The following NAA40 variants were observed in gnomAD, a reference collection of about 807,000 sequenced individuals.
NAA40 encodes N-alpha-acetyltransferase 40.
NAA40 carries 26 observed loss-of-function variants against 36.6 expected under a neutral mutation model. The ratio of observed to expected loss-of-function variants is 0.71; its 90% confidence interval spans 0.52 to 0.98. The LOEUF is 0.98. Ranked by LOEUF, NAA40 falls within the 50% of genes least tolerant of loss-of-function variation. The pLI is 0.00. For missense variants in NAA40, 237 were observed against 306.5 expected (o/e 0.77, Z 1.69); for synonymous variants, 129 against 108.4 (o/e 1.19, Z -1.18).
intron 3 of NAA40, among the ~76,000 whole-genome samples, chr11:63,949,500 GC>G (rs1398189340): frequency 2.6e-5 from 4 of 151,886 alleles, no homozygotes; most frequent in Non-Finnish European, 5.9e-5. Context: ...TGGAGTGAAG[GC>G]CCCCTCACGT....
rs12273949 is a variant in NAA40, at chr11:63,952,053, T to G, written c.156-185T>G. The G allele has an allele frequency of 7.0e-3, 3,899 of 557,326 alleles. 116 individuals carry two copies. Among genetic ancestry groups the G allele is most frequent in the African/African-American group, 0.067 (3,570 of 53,572 alleles). 34.5% of individuals were successfully genotyped at this position (557,326 alleles called of 1,614,324 possible). A position where few individuals can be genotyped will look rare whatever the true frequency, so the allele number is the denominator to read the frequency against. On this transcript the variant is annotated intron_variant, in intron 3 of 7. Transcript: ENST00000377793. ...GGGTGGGCCGTGTGGCCACAGTTGT[T>G]AATCTCAGCCTGAAAGACTTTGTTC... is the stretch of plus-strand genomic sequence containing the variant.
At chr11:63,939,217 AC>A in intron 1 of NAA40, 115 bp downstream of exon 1, 2 of 993,042 alleles carry the variant, frequency 2.0e-6, no homozygotes, top group Non-Finnish European at 2.5e-6. Flanking sequence ...GCCTCACGTG[AC>A]CCCTGACCCC....
intron 1 of NAA40, 137 bp from the exon 2 acceptor site, chr11:63,945,703 T>A: frequency 1.3e-6 from 1 of 748,072 alleles, no homozygotes; most frequent in Admixed American, 2.1e-5. Flanking sequence ...CCCCTCCAAA[T>A]GTGTGGCAGC....
At chr11:63,952,027 G>T (rs1942287132) in intron 3 of NAA40, 1 of 538,374 alleles carries the variant, frequency 1.9e-6, no homozygotes, top group Non-Finnish European at 3.3e-6. Flanking sequence ...TTGTGGTTGG[G>T]GGGTGGGCCG....
intron 1 of NAA40, among the ~76,000 whole-genome samples, chr11:63,941,079 C>T (rs1942100965): frequency 6.6e-6 from 1 of 152,202 alleles, no homozygotes; most frequent in South Asian, 2.1e-4. Flanking sequence ...AAGAAATATG[C>T]CCCAGAGATT....
intron 3 of NAA40, among the ~76,000 whole-genome samples, chr11:63,948,253 G>C (rs1942220805): frequency 6.6e-6 from 1 of 152,118 alleles, no homozygotes; most frequent in Admixed American, 6.6e-5. Flanking sequence ...TTAATGCATG[G>C]GAAACTGAGG....
intron 6 of NAA40, 101 bp downstream of exon 6, chr11:63,952,940 A>T (rs1335243514): frequency 1.0e-6 from 1 of 991,348 alleles, no homozygotes; most frequent in African/African-American, 1.6e-5. Flanking sequence ...GAGGAGGCTC[A>T]TAGGCATGTT....
At chr11:63,945,129 C>G (rs1476816831) in intron 1 of NAA40, among the ~76,000 whole-genome samples, 1 of 152,220 alleles carries the variant, frequency 6.6e-6, no homozygotes, top group African/African-American at 2.4e-5. Flanking sequence ...TGCTGCTCCT[C>G]TGCTGCCCTG....
At chr11:63,948,760 A>G (rs770882959) in intron 3 of NAA40, among the ~76,000 whole-genome samples, 21 of 151,476 alleles carry the variant, frequency 1.4e-4, no homozygotes, top group East Asian at 4.0e-4. Context: ...GGTCTTGCCT[A>G]TGTTGCCCGG....
Position 63,954,922 on chromosome 11 carries a change from A to C in NAA40, c.*443A>C, listed in dbSNP as rs1393795209. ...GGTTTGCTGGTCCCCAAAGAGGAAC[A>C]CACTGGGTGTAAGATCTGGGTGTAG... On this transcript the variant is annotated 3_prime_UTR_variant, in exon 8 of 8. Coordinates refer to ENST00000377793, the MANE Select transcript of NAA40 (RefSeq NM_024771.4). The C allele has an allele frequency of 6.5e-6, 1 of 154,460 alleles. No homozygotes were observed. The highest frequency in any genetic ancestry group is 1.4e-5 in the Non-Finnish European group (1 of 69,612). The allele number at this position is 154,460 out of a possible 1,614,324, so 9.6% of individuals were successfully genotyped here.
intron 3 of NAA40, among the ~76,000 whole-genome samples, chr11:63,950,665 T>C (rs1281590852): frequency 1.3e-5 from 2 of 151,966 alleles, no homozygotes; most frequent in African/African-American, 4.8e-5. Context: ...GGTTTCACTA[T>C]GTTGGCCAGG....
intron 6 of NAA40, 121 bp downstream of exon 6, chr11:63,952,960 A>G (rs1942305423): frequency 6.6e-6 from 5 of 759,618 alleles, no homozygotes; most frequent in Admixed American, 4.9e-5. Flanking sequence ...TTTGGGAGAA[A>G]GGTGTCTTAG....
chr11:63,952,482 C>G lies in NAA40; in HGVS notation c.327C>G (p.Leu109=), dbSNP rs1477249966. 1 of 1,614,218 alleles carries G rather than the reference C, an allele frequency of 6.2e-7. No individual in the cohort carries two copies. The highest frequency in any genetic ancestry group is 8.5e-7 in the Non-Finnish European group (1 of 1,180,042). The change falls in exon 5 of 8, where the codon CTC becomes CTG. Residue 109 remains leucine, a synonymous_variant. Transcript: ENST00000377793. ...EEMTDDRAWY[L]IAWENSSVPV... is the part of the protein sequence containing the mutation. ...TGACAGATGACCGAGCCTGGTACCT[C>G]ATCGCGTGGGAAAACAGCTCCGTCC...
In NAA40 at chr11:63,956,268, C is replaced by T. The variant is rs1415234074; in HGVS notation, c.*1789C>T. The stretch of plus-strand genomic sequence containing the variant: ...ATTGCTGGAGGGGTTTGGTGGACTC[C>T]TAAGAATCATGAAACCACAGGAGCA... On this transcript the variant is annotated 3_prime_UTR_variant, in exon 8 of 8. Coordinates refer to ENST00000377793, the MANE Select transcript of NAA40 (RefSeq NM_024771.4). 2 of 152,644 alleles carry T rather than the reference C, an allele frequency of 1.3e-5. No individual in the cohort carries two copies. Among genetic ancestry groups the T allele is most frequent in the Admixed American group, 1.3e-4 (2 of 15,268 alleles). The allele number at this position is 152,644 out of a possible 1,614,324, so 9.5% of individuals were successfully genotyped here.
Position 63,952,284 on chromosome 11 carries a change from G to C in NAA40, c.202G>C (p.Ala68Pro). The C allele has an allele frequency of 6.2e-7, 1 of 1,613,812 alleles. No homozygotes were observed. Among genetic ancestry groups the C allele is most frequent in the Non-Finnish European group, 8.5e-7 (1 of 1,179,862 alleles). ...ECKRVSGLEP[A>P]TVDWAFDLTK... ...TAAGCGAGTGTCTGGACTGGAGCCA[G>C]CCACCGTGGATTGGGCCTTCGACCT... Residue 68 changes from alanine (A) to proline (P), a missense_variant, in exon 4 of 8, where the codon GCC (alanine) becomes CCC (proline). Coordinates refer to ENST00000377793, the MANE Select transcript of NAA40 (RefSeq NM_024771.4).
intron 3 of NAA40, among the ~76,000 whole-genome samples, chr11:63,948,317 G>A (rs1590754832): frequency 6.6e-6 from 1 of 152,262 alleles, no homozygotes; most frequent in Middle Eastern, 3.4e-3. Flanking sequence ...TGACAGCTGA[G>A]GGGCTTTTAA....
chr11:63,946,908 G>T (rs367619278), intron 2 of NAA40, 43 bp from the exon 3 acceptor site: 3 of 1,611,622 alleles, frequency 1.9e-6, no homozygotes, highest in South Asian at 2.2e-5. Flanking sequence ...CTGCACCTCC[G>T]CCCCACTTGT....
chr11:63,952,522 C>T lies in NAA40; in HGVS notation c.367C>T (p.His123Tyr), dbSNP rs201680695. Reference protein sequence around the residue: ...ENSSVPVAFSHFRFDVECGDE... With the variant: ...ENSSVPVAFSYFRFDVECGDE... ...CAGCTCCGTCCCTGTTGCCTTTTCT[C>T]ACTTCCGGTTTGACGTGGAGTGTGG... Residue 123 changes from histidine to tyrosine, a missense_variant, in exon 5 of 8, where the codon CAC becomes TAC. Transcript: ENST00000377793. 533 of 1,614,074 alleles carry T rather than the reference C, an allele frequency of 3.3e-4. 1 individual carries two copies. Among genetic ancestry groups the T allele is most frequent in the Non-Finnish European group, 4.2e-4 (493 of 1,180,056 alleles).
intron 2 of NAA40, 24 bp from the exon 3 acceptor site, chr11:63,946,927 T>C: frequency 6.2e-7 from 1 of 1,613,756 alleles, no homozygotes; most frequent in Non-Finnish European, 8.5e-7. Context: ...GTCTGTGCTG[T>C]TCCTCTTTTC....
Sources: allele counts gnomAD v4.1 joint callset (sites outside exome capture counted in the v4.1 genomes callset), GRCh38; gene constraint gnomAD v4.1.1; transcripts MANE v1.5; gene names NCBI Gene and HGNC (gene_info 2026-07-23, HGNC 2026-07-21).